Variants in ADAMTS17 observed in about 807,000 individuals in gnomAD.
The protein encoded by ADAMTS17 is A disintegrin and metalloproteinase with thrombospondin motifs 17.
A neutral mutation model predicts 141.5 loss-of-function variants in ADAMTS17; 113 were observed. The observed-to-expected ratio is 0.80, with a 90% CI of 0.69 to 0.93. ADAMTS17 has a LOEUF of 0.93. ADAMTS17 is among the 40% of genes least tolerant of loss of function. ADAMTS17 has a pLI of 0.00. For synonymous variants in ADAMTS17, 768 were observed against 630.6 expected (o/e 1.22, Z -3.27); for missense variants, 1,659 against 1,517.9 (o/e 1.09, Z -1.54).
intron 13 of ADAMTS17, among the ~76,000 whole-genome samples, chr15:100,111,446 G>C (rs769490139): frequency 2.6e-5 from 4 of 152,234 alleles, no homozygotes; most frequent in African/African-American, 4.8e-5. Flanking sequence ...CATATACTGA[G>C]ATTAGCTCGA....
At chr15:99,976,469 T>A in intron 20 of ADAMTS17, 1 of 608,928 alleles carries the variant, frequency 1.6e-6, no homozygotes, top group South Asian at 1.9e-5. Context: ...GCACTGTGTG[T>A]CATGCCCAGG....
intron 8 of ADAMTS17, among the ~76,000 whole-genome samples, chr15:100,196,567 A>G (rs1015603009): frequency 6.6e-6 from 1 of 152,268 alleles, no homozygotes; most frequent in Admixed American, 6.5e-5. Flanking sequence ...CCTTCCCTCC[A>G]GAAATGTTTC....
intron 3 of ADAMTS17, among the ~76,000 whole-genome samples, chr15:100,315,787 A>T (rs547747656): frequency 6.6e-6 from 1 of 152,236 alleles, no homozygotes; most frequent in Admixed American, 6.5e-5. Context: ...AATTTAACTC[A>T]TACTTACATG....
Position 100,306,221 on chromosome 15 carries a change from T to C in ADAMTS17, c.616+24668A>G, listed in dbSNP as rs74668888. 5.3e-3 allele frequency: 1,676 copies of C among 313,398 alleles called. 29 individuals carry two copies. In the East Asian group the frequency reaches 0.068, roughly 13 times the overall value. The allele number at this position is 313,398 out of a possible 1,614,324, so 19.4% of individuals were successfully genotyped here. ...AATAAGGCCCCCAAATTCTTTGACA[T>C]TGAGCGGTGGGGTCTATCTCTCTGC... On this transcript the variant is annotated intron_variant, in intron 3 of 21. Transcript: ENST00000268070.
intron 3 of ADAMTS17, among the ~76,000 whole-genome samples, chr15:100,284,888 G>A (rs2044396785): frequency 6.6e-6 from 1 of 152,192 alleles, no homozygotes; most frequent in African/African-American, 2.4e-5. Flanking sequence ...AGTGCAGGTG[G>A]GTGGGCGTGT....
At chr15:99,992,919 G>T in intron 20 of ADAMTS17, 129 bp downstream of exon 20, 2 of 1,207,506 alleles carry the variant, frequency 1.7e-6, no homozygotes, top group Non-Finnish European at 2.4e-6. Context: ...GCGGGTGGAA[G>T]GAAAATGAAT....
chr15:100,198,578 G>A (rs187033214), intron 8 of ADAMTS17, among the ~76,000 whole-genome samples: 8 of 152,246 alleles, frequency 5.3e-5, no homozygotes, highest in African/African-American at 1.9e-4. Context: ...AAGCTCTTAA[G>A]CAGTCATATC....
intron 4 of ADAMTS17, 103 bp downstream of exon 4, chr15:100,281,126 C>A (rs1248415414): frequency 6.7e-7 from 1 of 1,499,626 alleles, no homozygotes; most frequent in South Asian, 1.2e-5. Flanking sequence ...CCCAACCCAG[C>A]GTCTTCCTCA....
chr15:99,978,354 G>C (rs567228734), intron 20 of ADAMTS17, among the ~76,000 whole-genome samples: 250 of 152,256 alleles, frequency 1.6e-3, no homozygotes, highest in Non-Finnish European at 3.1e-3. Flanking sequence ...TTGCTCTAAA[G>C]GGGCACTGCT....
At chr15:100,243,185 C>G (rs1338027074) in intron 7 of ADAMTS17, among the ~76,000 whole-genome samples, 3 of 152,242 alleles carry the variant, frequency 2.0e-5, no homozygotes, top group Non-Finnish European at 4.4e-5. Flanking sequence ...CTGAGTAATA[C>G]TCCACTGTGT....
intron 15 of ADAMTS17, among the ~76,000 whole-genome samples, chr15:100,080,126 C>T (rs2034634482): frequency 6.9e-6 from 1 of 144,102 alleles, no homozygotes; most frequent in Non-Finnish European, 1.5e-5. Flanking sequence ...CTCACCATCA[C>T]CCCTAGTGAT....
intron 7 of ADAMTS17, among the ~76,000 whole-genome samples, chr15:100,243,698 G>A (rs2042896376): frequency 6.6e-6 from 1 of 151,780 alleles, no homozygotes; most frequent in Non-Finnish European, 1.5e-5. Context: ...GCTGAGGCAG[G>A]AGAACTGCTG....
At chr15:100,292,373 AGATG>A (rs2044668315) in intron 3 of ADAMTS17, among the ~76,000 whole-genome samples, 1 of 150,206 alleles carries the variant, frequency 6.7e-6, no homozygotes. Flanking sequence ...AAATTACGAG[AGATG>A]CTCACCCCGT....
At chr15:100,087,942 C>G (rs1318372562) in intron 15 of ADAMTS17, among the ~76,000 whole-genome samples, 1 of 152,192 alleles carries the variant, frequency 6.6e-6, no homozygotes, top group South Asian at 2.1e-4. Flanking sequence ...ACAGGGATGC[C>G]TTCTCTCACC....
intron 15 of ADAMTS17, among the ~76,000 whole-genome samples, chr15:100,068,841 C>G (rs545470665): frequency 6.6e-6 from 1 of 152,174 alleles, no homozygotes; most frequent in Non-Finnish European, 1.5e-5. Context: ...AAAATCAGAG[C>G]ACCTCTCCTC....
intron 2 of ADAMTS17, among the ~76,000 whole-genome samples, chr15:100,333,452 G>A (rs1201893713): frequency 1.3e-5 from 2 of 152,170 alleles, no homozygotes; most frequent in East Asian, 3.9e-4. Flanking sequence ...CGGAATCTCT[G>A]GGGTGGAGCC....
intron 8 of ADAMTS17, among the ~76,000 whole-genome samples, chr15:100,175,771 T>A (rs2040316545): frequency 6.6e-6 from 1 of 152,038 alleles, no homozygotes; most frequent in Admixed American, 6.6e-5. Context: ...ATTGTCTGTG[T>A]GAACGGTGCC....
At chr15:100,163,077 T>C (rs986592541) in intron 8 of ADAMTS17, among the ~76,000 whole-genome samples, 14 of 150,250 alleles carry the variant, frequency 9.3e-5, no homozygotes, top group African/African-American at 3.4e-4. Context: ...TGTATACATA[T>C]AACTATATAG....
intron 7 of ADAMTS17, among the ~76,000 whole-genome samples, chr15:100,249,206 C>T (rs1279847509): frequency 2.6e-5 from 4 of 152,058 alleles, no homozygotes; most frequent in Admixed American, 1.3e-4. Flanking sequence ...AGAATCAGGG[C>T]CTTGGAAACG....
Sources: allele counts gnomAD v4.1 joint callset (sites outside exome capture counted in the v4.1 genomes callset), GRCh38; gene constraint gnomAD v4.1.1; transcripts MANE v1.5; gene names NCBI Gene and HGNC (gene_info 2026-07-23, HGNC 2026-07-21).